LTV1: variants seen among roughly 807,000 people sequenced by gnomAD.
LTV1 encodes LTV1 ribosome biogenesis factor.
In LTV1, 39 loss-of-function variants were observed where a neutral mutation model predicts 59.9. That is an observed-to-expected ratio of 0.65 (90% CI 0.50 to 0.85). The LOEUF (loss-of-function observed/expected upper bound fraction) is 0.85, where lower values mean the gene tolerates loss of function less well. Ranked by LOEUF, LTV1 falls within the 40% of genes least tolerant of loss-of-function variation. The pLI, the probability that LTV1 is intolerant of heterozygous loss-of-function variation, is 0.00. For synonymous variants in LTV1, 171 were observed against 189.5 expected (o/e 0.90, Z 0.80); for missense variants, 493 against 549.1 (o/e 0.90, Z 1.02).
intron 7 of LTV1, among the ~76,000 whole-genome samples, 159 bp downstream of exon 7, chr6:143,860,712 AAGAT>A (rs1260968138): frequency 1.3e-5 from 2 of 152,146 alleles, no homozygotes; most frequent in Admixed American, 6.5e-5. Flanking sequence ...GGGAAAAAAA[AAGAT>A]AGGGCGGAAA....
intron 4 of LTV1, among the ~76,000 whole-genome samples, chr6:143,856,049 C>T (rs1777070988): frequency 6.6e-6 from 1 of 152,210 alleles, no homozygotes; most frequent in Admixed American, 6.5e-5. Context: ...TCCATTCTCC[C>T]TATCACTTTC....
At position 143,846,048 on chromosome 6, in the gene LTV1, T is replaced by C. The variant is rs762188571; in HGVS notation, c.136-3T>C. The stretch of plus-strand genomic sequence containing the variant: ...GAAAGTACTAATTCCATTTCGTTTA[T>C]AGATAGACAATGAAGAAAGGCGAGC... On this transcript the variant is annotated splice_polypyrimidine_tract_variant and splice_region_variant and intron_variant, in intron 2 of 10. Transcript: ENST00000367576. 3 of 1,612,520 alleles carry C rather than the reference T, an allele frequency of 1.9e-6. No individual in the cohort carries two copies. Among genetic ancestry groups the C allele is most frequent in the Middle Eastern group, 1.7e-4 (1 of 6,050 alleles).
chr6:143,857,314 G>A lies in LTV1; in HGVS notation c.409G>A (p.Asp137Asn), dbSNP rs772787635. ...KAAPVSGPRLDFDPDIVAALD... is the reference protein window; with the variant it reads ...KAAPVSGPRLNFDPDIVAALD... ...TGTTTTCCTTCTAGGACCTCGACTG[G>A]ATTTTGATCCTGACATTGTTGCAGC... The change falls in exon 5 of 11, where the codon GAT (aspartate) becomes AAT (asparagine). Residue 137 changes from aspartate (D) to asparagine (N), a missense_variant. By Grantham distance (23) the Asp-to-Asn change is conservative. Coordinates refer to ENST00000367576, the MANE Select transcript of LTV1 (RefSeq NM_032860.5). This position sits in a 1 kb window ranked among gnomAD's most constrained non-coding sequence, Gnocchi z 5.2. 9 of 1,613,676 alleles carry A rather than the reference G, an allele frequency of 5.6e-6. No individual in the cohort carries two copies. Among genetic ancestry groups the A allele is most frequent in the African/African-American group, 1.3e-5 (1 of 74,904 alleles).
At position 143,844,697 on chromosome 6, in the gene LTV1, G is replaced by A. The variant is rs527325161; in HGVS notation, c.135+80G>A. ...CTTTTTTTTTTTTTAAATAAATAGA[G>A]TCTTAGCACGTTGCCCAGGCTGGTC... On this transcript the variant is annotated intron_variant, in intron 2 of 10. Coordinates refer to ENST00000367576, the MANE Select transcript of LTV1 (RefSeq NM_032860.5). 9 of 1,409,072 alleles carry A rather than the reference G, an allele frequency of 6.4e-6. No individual in the cohort carries two copies. In the African/African-American group the frequency reaches 1.2e-4, roughly 19 times the overall value. 87.3% of individuals were successfully genotyped at this position (1,409,072 alleles called of 1,614,324 possible).
At chr6:143,853,875 G>A (rs886787282) in intron 4 of LTV1, among the ~76,000 whole-genome samples, 3 of 152,120 alleles carry the variant, frequency 2.0e-5, no homozygotes, top group African/African-American at 4.8e-5. Flanking sequence ...GACGATTTTC[G>A]CATTGATGTT....
chr6:143,852,133 C>T lies in LTV1; in HGVS notation c.397+1915C>T, dbSNP rs538218847. Among the ~76,000 whole-genome samples, 489 of 152,278 alleles carry T rather than the reference C, an allele frequency of 3.2e-3. 4 individuals carry two copies. Among genetic ancestry groups the T allele is most frequent in the African/African-American group, 0.011 (465 of 41,550 alleles). ...CAAATGGTATTTCTGGTTCTAGATCCTTGAGGAATCGCCACACTGTCTTCC... is the reference window on the plus strand; with the variant it reads ...CAAATGGTATTTCTGGTTCTAGATCTTTGAGGAATCGCCACACTGTCTTCC... On this transcript the variant is annotated intron_variant, in intron 4 of 10. Coordinates refer to ENST00000367576, the MANE Select transcript of LTV1 (RefSeq NM_032860.5).
At chr6:143,844,850 A>T (rs1297087532) in intron 2 of LTV1, among the ~76,000 whole-genome samples, 1 of 152,144 alleles carries the variant, frequency 6.6e-6, no homozygotes, top group Non-Finnish European at 1.5e-5. Context: ...TTATTCTCAG[A>T]TAACTGATAT....
At chr6:143,850,594 A>G (rs1194421651) in intron 4 of LTV1, among the ~76,000 whole-genome samples, 1 of 151,516 alleles carries the variant, frequency 6.6e-6, no homozygotes, top group Non-Finnish European at 1.5e-5. Context: ...AGGTATTTTT[A>G]TGGAAGTTCA....
In LTV1 at chr6:143,855,154, G is replaced by A. The variant is rs1223426961; in HGVS notation, c.398-2149G>A. On this transcript the variant is annotated intron_variant, in intron 4 of 10. Coordinates refer to ENST00000367576, the MANE Select transcript of LTV1 (RefSeq NM_032860.5). The surrounding 1 kb of genome is among the most constrained non-coding windows in gnomAD (Gnocchi z 4.6). ...CCTGTATTAGGTGCATATATATTTAGGGTAGTTAGCTCTTCTTGTTGCATT... is the reference window on the plus strand; with the variant it reads ...CCTGTATTAGGTGCATATATATTTAAGGTAGTTAGCTCTTCTTGTTGCATT... 2.0e-5 allele frequency among the ~76,000 whole-genome samples: 3 copies of A among 152,082 alleles called. No individual in the cohort carries two copies. Among genetic ancestry groups the A allele is most frequent in the African/African-American group, 7.2e-5 (3 of 41,390 alleles).
intron 4 of LTV1, among the ~76,000 whole-genome samples, chr6:143,853,706 T>TTCTG (rs1437747109): frequency 6.6e-6 from 1 of 152,224 alleles, no homozygotes; most frequent in Non-Finnish European, 1.5e-5. Context: ...CAAAGGCCTT[T>TTCTG]TCTGCATCTA....
At chr6:143,854,589 A>G (rs1038062692) in intron 4 of LTV1, among the ~76,000 whole-genome samples, 2 of 152,194 alleles carry the variant, frequency 1.3e-5, no homozygotes, top group Non-Finnish European at 2.9e-5. Flanking sequence ...ATTTAGTGCT[A>G]TAAATTTCCC....
In LTV1 at chr6:143,844,586, C is replaced by T. The variant is rs1419853625; in HGVS notation, c.104C>T (p.Ala35Val). ...QRDPLAADES[A>V]PQRVLLPTQK... ...GATCCTTTAGCAGCAGATGAGAGTG[C>T]ACCCCAGAGGGTTCTATTGCCCACA... The change falls in exon 2 of 11, where the codon GCA (alanine) becomes GTA (valine). Residue 35 changes from alanine to valine, a missense_variant. Transcript: ENST00000367576. The T allele has an allele frequency of 1.9e-6, 3 of 1,613,936 alleles. No homozygotes were observed. The African/African-American group carries it at 4.0e-5, about 22-fold the overall frequency.
In LTV1 at chr6:143,862,904, C is replaced by G; in HGVS notation, c.1116+8C>G. ...ATCAAGTATCAACCAAAGGTAAGTC[C>G]TAGTGTGCTGAGCTATTTGAAGGAT... On this transcript the variant is annotated splice_region_variant and intron_variant, in intron 9 of 10. Coordinates refer to ENST00000367576, the MANE Select transcript of LTV1 (RefSeq NM_032860.5). The surrounding 1 kb of genome is among the most constrained non-coding windows in gnomAD (Gnocchi z 4.2). The G allele has an allele frequency of 6.3e-7, 1 of 1,590,030 alleles. No homozygotes were observed. The highest frequency in any genetic ancestry group is 8.6e-7 in the Non-Finnish European group (1 of 1,158,260).
chr6:143,860,918 C>T (rs1002253855), intron 7 of LTV1, among the ~76,000 whole-genome samples: 5 of 148,664 alleles, frequency 3.4e-5, no homozygotes, highest in East Asian at 3.9e-4. Context: ...TTTTTTGAGA[C>T]GGAGTCTTGC....
In LTV1 at chr6:143,849,647, C is replaced by T. The variant is rs143053787; in HGVS notation, c.310-484C>T. 2.3e-3 allele frequency among the ~76,000 whole-genome samples: 346 copies of T among 152,272 alleles called. 2 individuals carry two copies. The highest frequency in any genetic ancestry group is 8.0e-3 in the African/African-American group (331 of 41,554). On this transcript the variant is annotated intron_variant, in intron 3 of 10. Coordinates refer to ENST00000367576, the MANE Select transcript of LTV1 (RefSeq NM_032860.5). Reference sequence around the variant, plus strand: ...ACAACCTGGAGCACAGGTGAGAGAACACAGAATGTAGTTGTAATAGTTTCC... The same window carrying T: ...ACAACCTGGAGCACAGGTGAGAGAATACAGAATGTAGTTGTAATAGTTTCC...
intron 6 of LTV1, chr6:143,858,232 A>C: frequency 7.8e-6 from 4 of 515,376 alleles, no homozygotes; most frequent in Non-Finnish European, 1.4e-5. Context: ...ACTGTGCAGA[A>C]GAAGAGTAAT....
Position 143,843,358 on chromosome 6 carries a change from T to G in LTV1, c.-120T>G, listed in dbSNP as rs1290304652. ...GCTGGGTGACGTTATCGCCGGGTCC[T>G]GGGGCTGCACGTGTGGTGAGGCCTA... On this transcript the variant is annotated 5_prime_UTR_variant, in exon 1 of 11. Transcript: ENST00000367576. 4.0e-6 allele frequency: 5 copies of G among 1,254,446 alleles called. No individual in the cohort carries two copies. Among genetic ancestry groups the G allele is most frequent in the Non-Finnish European group, 5.8e-6 (5 of 863,252 alleles). The allele number at this position is 1,254,446 out of a possible 1,614,324, so 77.7% of individuals were successfully genotyped here.
intron 4 of LTV1, among the ~76,000 whole-genome samples, chr6:143,852,856 A>G (rs2128491449): frequency 6.6e-6 from 1 of 152,024 alleles, no homozygotes; most frequent in Non-Finnish European, 1.5e-5. Flanking sequence ...TTTTGTTAGG[A>G]TTGTCAAAGA....
chr6:143,852,763 G>A (rs149173083), intron 4 of LTV1, among the ~76,000 whole-genome samples: 2 of 152,204 alleles, frequency 1.3e-5, no homozygotes, highest in East Asian at 3.9e-4. Flanking sequence ...TAAAGAAGGG[G>A]TCCAATTTCA....
Sources: allele counts gnomAD v4.1 joint callset (sites outside exome capture counted in the v4.1 genomes callset), GRCh38; gene constraint gnomAD v4.1.1; non-coding constraint Gnocchi (gnomAD v3.1); transcripts MANE v1.5; gene names NCBI Gene and HGNC (gene_info 2026-07-23, HGNC 2026-07-21).